CACNA1D: variants seen among roughly 807,000 people sequenced by gnomAD.
The protein encoded by CACNA1D is calcium voltage-gated channel subunit alpha1 D.
In CACNA1D, 55 loss-of-function variants were observed where a neutral mutation model predicts 257.1. The ratio of observed to expected loss-of-function variants is 0.21; its 90% CI spans 0.17 to 0.27. CACNA1D has a LOEUF of 0.27. CACNA1D is among the 10% of genes least tolerant of loss of function. The pLI, the probability that CACNA1D is intolerant of heterozygous loss-of-function variation, is 1.00. For synonymous variants in CACNA1D, 980 were observed against 1,014.9 expected (o/e 0.97, Z 0.65); for missense variants, 1,876 against 2,784.0 (o/e 0.67, Z 7.34).
chr3:53,604,817 A>C (rs1288475693), intron 3 of CACNA1D, among the ~76,000 whole-genome samples: 3 of 152,164 alleles, frequency 2.0e-5, no homozygotes, highest in African/African-American at 4.8e-5. Context: ...AAGATCTAGA[A>C]ACATTAGCAC....
intron 3 of CACNA1D, among the ~76,000 whole-genome samples, chr3:53,573,825 T>G (rs2092990149): frequency 6.6e-6 from 1 of 152,244 alleles, no homozygotes; most frequent in Non-Finnish European, 1.5e-5. Flanking sequence ...CTCCTTATCC[T>G]TTTTATTGTG....
intron 8 of CACNA1D, among the ~76,000 whole-genome samples, chr3:53,684,938 A>G (rs1157722260): frequency 6.6e-6 from 1 of 152,182 alleles, no homozygotes; most frequent in Admixed American, 6.5e-5. Flanking sequence ...ATAAAATGGA[A>G]TATTAAATAG....
chr3:53,800,515 T>C lies in CACNA1D; in HGVS notation c.5040+150T>C. ...GCTTTCAGACCACACCCTCCCCCTC[T>C]TACAGACCCTCCCCAGGCATCAGCA... On this transcript the variant is annotated intron_variant, in intron 41 of 47. Transcript: ENST00000350061. The surrounding 1 kb of genome is among the most constrained non-coding windows in gnomAD (Gnocchi z 4.3). 1 of 737,092 alleles carries C rather than the reference T, an allele frequency of 1.4e-6. No individual in the cohort carries two copies. The highest frequency in any genetic ancestry group is 2.5e-6 in the Non-Finnish European group (1 of 401,172). 45.7% of individuals were successfully genotyped at this position (737,092 alleles called of 1,614,324 possible).
rs1290047419 is a variant in CACNA1D, at chr3:53,660,236, C to A, written c.727C>A (p.Arg243=). The part of the protein sequence containing the change: ...GFDVKALRAF[R]VLRPLRLVSG... ...TGATGTCAAAGCCCTCCGTGCCTTT[C>A]GAGTGTTGCGACCACTTCGACTAGT... Residue 243 remains arginine, a synonymous_variant, in exon 5 of 48, where the codon CGA becomes AGA. Transcript: ENST00000350061. The A allele has an allele frequency of 5.0e-6, 8 of 1,614,080 alleles. No individual in the cohort carries two copies. Among genetic ancestry groups the A allele is most frequent in the South Asian group, 1.1e-5 (1 of 91,076 alleles).
chr3:53,532,744 A>T (rs2091988980), intron 3 of CACNA1D, among the ~76,000 whole-genome samples: 1 of 152,166 alleles, frequency 6.6e-6, no homozygotes, highest in Non-Finnish European at 1.5e-5. Flanking sequence ...CTTAAGTTTG[A>T]TGAGGTAGAC....
At chr3:53,690,341 C>CA (rs2094507960) in intron 8 of CACNA1D, among the ~76,000 whole-genome samples, 1 of 152,164 alleles carries the variant, frequency 6.6e-6, no homozygotes, top group South Asian at 2.1e-4. Flanking sequence ...ATTAATTACC[C>CA]AATGCTGAGT....
At chr3:53,766,178 C>G (rs914944629) in intron 30 of CACNA1D, 3 of 152,240 alleles carry the variant, frequency 2.0e-5, no homozygotes, top group African/African-American at 7.2e-5. Context: ...CAGGAATGGT[C>G]CCTGCCTTTT....
chr3:53,693,145 C>G (rs1396190438), intron 8 of CACNA1D, among the ~76,000 whole-genome samples: 1 of 152,138 alleles, frequency 6.6e-6, no homozygotes, highest in African/African-American at 2.4e-5. Context: ...TTTTGCCCAC[C>G]AGCGGTTCCC....
chr3:53,512,748 T>C (rs1434597157), intron 3 of CACNA1D, among the ~76,000 whole-genome samples: 1 of 152,210 alleles, frequency 6.6e-6, no homozygotes, highest in Non-Finnish European at 1.5e-5. Context: ...AAAGATTGTC[T>C]CTTTAAAGCA....
intron 8 of CACNA1D, among the ~76,000 whole-genome samples, chr3:53,695,675 T>G (rs898178897): frequency 3.3e-5 from 5 of 152,166 alleles, no homozygotes; most frequent in Non-Finnish European, 7.3e-5. Flanking sequence ...TTCCAAATAG[T>G]CGTGTAAGAA....
At chr3:53,539,917 G>A (rs1284875857) in intron 3 of CACNA1D, among the ~76,000 whole-genome samples, 1 of 152,110 alleles carries the variant, frequency 6.6e-6, no homozygotes, top group African/African-American at 2.4e-5. Context: ...AGTTGTTTCA[G>A]TAAGTCTTTG....
At chr3:53,621,558 T>G (rs187056145) in intron 3 of CACNA1D, among the ~76,000 whole-genome samples, 2 of 152,256 alleles carry the variant, frequency 1.3e-5, no homozygotes, top group Non-Finnish European at 2.9e-5. Context: ...ACAAAGGACT[T>G]AGGTATAAAC....
intron 3 of CACNA1D, among the ~76,000 whole-genome samples, chr3:53,534,624 T>C (rs1275381999): frequency 6.6e-6 from 1 of 152,206 alleles, no homozygotes; most frequent in Non-Finnish European, 1.5e-5. Context: ...CTGGTTTCTG[T>C]GACCCACGCC....
intron 3 of CACNA1D, among the ~76,000 whole-genome samples, chr3:53,650,412 T>G (rs1576231553): frequency 6.6e-6 from 1 of 152,240 alleles, no homozygotes. Flanking sequence ...TGTGCTTTTC[T>G]GGGCCTGATT....
intron 22 of CACNA1D, among the ~76,000 whole-genome samples, chr3:53,744,311 A>G (rs1219035467): frequency 6.8e-6 from 1 of 147,310 alleles, no homozygotes; most frequent in Admixed American, 7.1e-5. Context: ...CTGGGTTGGG[A>G]TTGCCCATCT....
intron 28 of CACNA1D, 120 bp from the exon 29 acceptor site, chr3:53,753,452 G>A: frequency 1.3e-6 from 1 of 761,802 alleles, no homozygotes; most frequent in Non-Finnish European, 2.4e-6. Flanking sequence ...GAATTGCCCA[G>A]CGAGGGTGCT....
In CACNA1D at chr3:53,660,229, T is replaced by C. The variant is rs1358275166; in HGVS notation, c.720T>C (p.Arg240=). ...KSGGFDVKAL[R]AFRVLRPLRL... ...GAGGCTTTGATGTCAAAGCCCTCCG[T>C]GCCTTTCGAGTGTTGCGACCACTTC... The change falls in exon 5 of 48, where the codon CGT becomes CGC. Residue 240 remains arginine (R), a synonymous_variant. Coordinates refer to ENST00000350061, the MANE Select transcript of CACNA1D (RefSeq NM_001128840.3). The C allele has an allele frequency of 6.2e-7, 1 of 1,614,102 alleles. No homozygotes were observed. The highest frequency in any genetic ancestry group is 8.5e-7 in the Non-Finnish European group (1 of 1,179,956).
chr3:53,737,193 G>A (rs142075139), intron 20 of CACNA1D, among the ~76,000 whole-genome samples: 12 of 152,116 alleles, frequency 7.9e-5, no homozygotes, highest in Admixed American at 5.9e-4. Flanking sequence ...CCGACTACTC[G>A]GGAGGCTGAG....
At chr3:53,702,054 C>T (rs1037763555) in intron 8 of CACNA1D, among the ~76,000 whole-genome samples, 1 of 152,154 alleles carries the variant, frequency 6.6e-6, no homozygotes, top group Non-Finnish European at 1.5e-5. Context: ...TGGGGACTGC[C>T]CTGACTCCAT....
Sources: allele counts gnomAD v4.1 joint callset (sites outside exome capture counted in the v4.1 genomes callset), GRCh38; gene constraint gnomAD v4.1.1; non-coding constraint Gnocchi (gnomAD v3.1); transcripts MANE v1.5; gene names NCBI Gene and HGNC (gene_info 2026-07-23, HGNC 2026-07-21).